The following SLC44A1 variants were observed in gnomAD, a reference collection of about 807,000 sequenced individuals.
SLC44A1 encodes the protein choline transporter-like protein 1.
SLC44A1 carries 26 observed loss-of-function variants against 79.3 expected under a neutral mutation model. The observed-to-expected ratio is 0.33, with a 90% CI of 0.24 to 0.46. SLC44A1 has a LOEUF of 0.46. SLC44A1 is among the 20% of genes least tolerant of loss of function. The probability of loss-of-function intolerance (pLI) is 1.00; values close to 1 mark genes in which losing one functional copy is unlikely to be tolerated. For synonymous variants in SLC44A1, 263 were observed against 286.2 expected (o/e 0.92, Z 0.82); for missense variants, 688 against 798.1 (o/e 0.86, Z 1.66).
Position 105,366,371 on chromosome 9 carries a change from TGAAA to T in SLC44A1, c.1437_1440del (p.Lys480LeufsTer13). The T allele has an allele frequency of 6.5e-7, 1 of 1,528,626 alleles. No homozygotes were observed. The highest frequency in any genetic ancestry group is 8.8e-7 in the Non-Finnish European group (1 of 1,138,852). The allele number at this position is 1,528,626 out of a possible 1,614,324, so 94.7% of individuals were successfully genotyped here. Reference sequence around the variant, plus strand: ...GAAAATGCTTGTGCACGATGTGTGCTGAAATCTTGCATTTGTTGCCTTTGGTGTC... The same window carrying T: ...GAAAATGCTTGTGCACGATGTGTGCTTCTTGCATTTGTTGCCTTTGGTGTC... On this transcript the variant is annotated frameshift_variant, in exon 12 of 16. Transcript: ENST00000374720. LOFTEE classifies it high-confidence loss of function.
At chr9:105,263,780 A>C (rs1049552310) in intron 1 of SLC44A1, among the ~76,000 whole-genome samples, 4 of 151,750 alleles carry the variant, frequency 2.6e-5, no homozygotes, top group Non-Finnish European at 5.9e-5. Flanking sequence ...CAGGTGATCC[A>C]CCCGTCTCAG....
At chr9:105,325,720 C>T (rs1438790222) in intron 3 of SLC44A1, among the ~76,000 whole-genome samples, 1 of 152,182 alleles carries the variant, frequency 6.6e-6, no homozygotes, top group Non-Finnish European at 1.5e-5. Context: ...GATTAAATTT[C>T]AACATGAGTT....
Position 105,394,797 on chromosome 9 carries a change from A to T in SLC44A1, c.*5741A>T, listed in dbSNP as rs1018610486. The T allele has an allele frequency of 2.0e-6, 2 of 985,396 alleles. No individual in the cohort carries two copies. The highest frequency in any genetic ancestry group is 9.4e-5 in the South Asian group (2 of 21,276). 61.0% of individuals were successfully genotyped at this position (985,396 alleles called of 1,614,324 possible). ...GATGCTGAAGGTAGAAATGCAAAAGATGTTTTTTCTTCCTGCATAAATCAC... is the reference window on the plus strand; with the variant it reads ...GATGCTGAAGGTAGAAATGCAAAAGTTGTTTTTTCTTCCTGCATAAATCAC... On this transcript the variant is annotated 3_prime_UTR_variant, in exon 16 of 16. Transcript: ENST00000374720.
chr9:105,370,966 A>G (rs12115272), intron 12 of SLC44A1, among the ~76,000 whole-genome samples: 15,091 of 152,248 alleles, frequency 0.099, 2,529 homozygotes, highest in African/African-American at 0.34. Flanking sequence ...ATTTTCTCCC[A>G]AAAACTTGTT....
chr9:105,263,998 C>T (rs757443079), intron 1 of SLC44A1, among the ~76,000 whole-genome samples: 122 of 152,216 alleles, frequency 8.0e-4, no homozygotes, highest in Non-Finnish European at 1.3e-3. Context: ...CTGCTACCTC[C>T]TCGCTTTTCA....
intron 8 of SLC44A1, among the ~76,000 whole-genome samples, chr9:105,361,653 C>T (rs916294946): frequency 6.6e-6 from 1 of 152,174 alleles, no homozygotes; most frequent in Non-Finnish European, 1.5e-5. Flanking sequence ...GTTCCCTTTA[C>T]TGTAGAAAAG....
chr9:105,270,540 T>C (rs1830054071), intron 1 of SLC44A1, among the ~76,000 whole-genome samples: 1 of 152,176 alleles, frequency 6.6e-6, no homozygotes, highest in Non-Finnish European at 1.5e-5. Context: ...ATTTATTATG[T>C]TCTGGCCAAG....
At chr9:105,428,827 G>A (rs907130525) in intron 15 of SLC44A1, among the ~76,000 whole-genome samples, 1 of 152,140 alleles carries the variant, frequency 6.6e-6, no homozygotes, top group Non-Finnish European at 1.5e-5. Context: ...ACCCTCTGGA[G>A]TTGTAGTAGC....
intron 15 of SLC44A1, among the ~76,000 whole-genome samples, chr9:105,423,988 C>T (rs1212375730): frequency 6.6e-6 from 1 of 151,972 alleles, no homozygotes; most frequent in Non-Finnish European, 1.5e-5. Flanking sequence ...TAATTGAGAG[C>T]CATAGGGAAA....
chr9:105,287,388 T>C (rs975872287), intron 1 of SLC44A1, among the ~76,000 whole-genome samples: 6 of 152,274 alleles, frequency 3.9e-5, no homozygotes, highest in African/African-American at 1.4e-4. Flanking sequence ...CAATTGTCTA[T>C]AAAACTGTGT....
At chr9:105,265,734 C>A (rs1354497705) in intron 1 of SLC44A1, among the ~76,000 whole-genome samples, 1 of 152,158 alleles carries the variant, frequency 6.6e-6, no homozygotes, top group Non-Finnish European at 1.5e-5. Context: ...CCATGAGCAA[C>A]GTATAAGAAG....
chr9:105,393,556 T>C lies in SLC44A1; in HGVS notation c.*4500T>C, dbSNP rs1828813334. The C allele has an allele frequency of 2.2e-6, 2 of 924,454 alleles. No individual in the cohort carries two copies. Among genetic ancestry groups the C allele is most frequent in the Non-Finnish European group, 2.6e-6 (2 of 774,500 alleles). The allele number at this position is 924,454 out of a possible 1,614,324, so 57.3% of individuals were successfully genotyped here. On this transcript the variant is annotated 3_prime_UTR_variant, in exon 16 of 16. Transcript: ENST00000374720. ...TAAATCTTTGAAAATATCTTTCTTATAGAAAACTTTAATGCAGTTTTTAAA... is the reference window on the plus strand; with the variant it reads ...TAAATCTTTGAAAATATCTTTCTTACAGAAAACTTTAATGCAGTTTTTAAA...
chr9:105,396,271 T>C lies in SLC44A1; in HGVS notation c.*7215T>C, dbSNP rs535448718. 5.1e-6 allele frequency: 5 copies of C among 985,170 alleles called. No homozygotes were observed. In the South Asian group the frequency reaches 1.9e-4, roughly 37 times the overall value. The allele number at this position is 985,170 out of a possible 1,614,324, so 61.0% of individuals were successfully genotyped here. ...CCACTGAATGCACTTCTAATAGAGCTTTAATCTAAAGAAGTTAGTTCAGTG... is the reference window on the plus strand; with the variant it reads ...CCACTGAATGCACTTCTAATAGAGCCTTAATCTAAAGAAGTTAGTTCAGTG... On this transcript the variant is annotated 3_prime_UTR_variant, in exon 16 of 16. Transcript: ENST00000374720.
intron 15 of SLC44A1, among the ~76,000 whole-genome samples, chr9:105,428,605 T>C (rs1183542578): frequency 6.6e-6 from 1 of 152,264 alleles, no homozygotes; most frequent in African/African-American, 2.4e-5. Flanking sequence ...ATCCTGAGTA[T>C]GCAGAACAGT....
At chr9:105,335,924 G>T (rs556264619) in intron 4 of SLC44A1, among the ~76,000 whole-genome samples, 26 of 152,216 alleles carry the variant, frequency 1.7e-4, no homozygotes, top group African/African-American at 5.8e-4. Context: ...TTGTGCTCTG[G>T]AAGTTAGTAT....
At chr9:105,245,313 A>C (rs987158342) in intron 1 of SLC44A1, among the ~76,000 whole-genome samples, 2 of 151,656 alleles carry the variant, frequency 1.3e-5, no homozygotes, top group African/African-American at 2.4e-5. Flanking sequence ...TCTCCCCGCC[A>C]TCCGCCGCCC....
chr9:105,337,938 G>A (rs149912145), intron 4 of SLC44A1, among the ~76,000 whole-genome samples: 2 of 152,146 alleles, frequency 1.3e-5, no homozygotes, highest in Non-Finnish European at 2.9e-5. Context: ...TTACAGCTTT[G>A]TATTTCTCAC....
chr9:105,434,224 C>T (rs1473903302), intron 15 of SLC44A1, among the ~76,000 whole-genome samples: 1 of 152,032 alleles, frequency 6.6e-6, no homozygotes, highest in Non-Finnish European at 1.5e-5. Context: ...CCCGTAATCC[C>T]AGCTACTTGG....
At chr9:105,386,370 A>AGC in intron 15 of SLC44A1, 2 of 957,616 alleles carry the variant, frequency 2.1e-6, no homozygotes, top group Non-Finnish European at 2.5e-6. Flanking sequence ...AATTGTCTGC[A>AGC]TCCTTAAATA....
Sources: allele counts gnomAD v4.1 joint callset (sites outside exome capture counted in the v4.1 genomes callset), GRCh38; gene constraint gnomAD v4.1.1; transcripts MANE v1.5; gene names NCBI Gene and HGNC (gene_info 2026-07-23, HGNC 2026-07-21).